The following GRIK4 variants were observed in gnomAD, a reference collection of about 807,000 sequenced individuals.
GRIK4 encodes the protein glutamate receptor ionotropic, kainate 4.
GRIK4 carries 40 observed loss-of-function variants against 104.9 expected under a neutral mutation model. The ratio of observed to expected loss-of-function variants is 0.38; its 90% CI spans 0.30 to 0.50. GRIK4 has a LOEUF of 0.50. Ranked by LOEUF, GRIK4 falls within the 20% of genes least tolerant of loss-of-function variation. The probability of loss-of-function intolerance (pLI) is 0.93; values close to 1 mark genes in which losing one functional copy is unlikely to be tolerated. For missense variants in GRIK4, 1,047 were observed against 1,308.1 expected (o/e 0.80, Z 3.08); for synonymous variants, 485 against 524.9 (o/e 0.92, Z 1.04).
At chr11:120,930,002 T>TGC (rs1555096685) in intron 13 of GRIK4, among the ~76,000 whole-genome samples, 3 of 150,282 alleles carry the variant, frequency 2.0e-5, no homozygotes, top group Non-Finnish European at 4.4e-5. Flanking sequence ...AGGCCACGTT[T>TGC]GGGGGGGGGG....
chr11:120,793,937 G>A (rs920708979), intron 3 of GRIK4, among the ~76,000 whole-genome samples: 6 of 150,398 alleles, frequency 4.0e-5, no homozygotes, highest in Non-Finnish European at 7.4e-5. Context: ...GGGGCTGAGA[G>A]CAGGTAGATG....
chr11:120,606,218 G>A (rs537862166), intron 1 of GRIK4, among the ~76,000 whole-genome samples: 1 of 152,220 alleles, frequency 6.6e-6, no homozygotes, highest in South Asian at 2.1e-4. Context: ...GTTTTTCATG[G>A]CATGGGGCCC....
chr11:120,512,012 C>T (rs1591665502), intron 1 of GRIK4, 125 bp downstream of exon 1: 1 of 146,516 alleles, frequency 6.8e-6, no homozygotes, highest in Non-Finnish European at 1.5e-5. Flanking sequence ...CTCCTGCCCT[C>T]GGGGGCCGCG....
At chr11:120,526,824 G>A (rs1947862798) in intron 1 of GRIK4, among the ~76,000 whole-genome samples, 1 of 152,144 alleles carries the variant, frequency 6.6e-6, no homozygotes, top group Non-Finnish European at 1.5e-5. Flanking sequence ...ACTCCAGCCT[G>A]TGCAGCAAGA....
In GRIK4 at chr11:120,672,275, G is replaced by A. The variant is rs1335676232; in HGVS notation, c.82+11875G>A. On this transcript the variant is annotated intron_variant, in intron 3 of 20. Transcript: ENST00000527524. ...TACTAAAAATACAAAAATTAGCAAG[G>A]CATGATGTCAGGCACCTGCAATCCC... Among the ~76,000 whole-genome samples the A allele has an allele frequency of 4.6e-5, 7 of 152,186 alleles. No individual in the cohort carries two copies. The East Asian group carries it at 1.4e-3, about 29-fold the overall frequency.
intron 3 of GRIK4, among the ~76,000 whole-genome samples, chr11:120,798,260 C>G (rs1952560570): frequency 7.4e-6 from 1 of 134,560 alleles, no homozygotes; most frequent in Non-Finnish European, 1.5e-5. Context: ...CCTCTGCCTT[C>G]TGGTTTTCCT....
chr11:120,811,378 T>TG (rs1458248568), intron 4 of GRIK4, among the ~76,000 whole-genome samples: 5 of 152,198 alleles, frequency 3.3e-5, no homozygotes, highest in African/African-American at 2.4e-5. Context: ...TTGCTGGGGA[T>TG]GGCTGTGCGG....
intron 1 of GRIK4, among the ~76,000 whole-genome samples, chr11:120,579,225 A>AC (rs34079806): frequency 0.29 from 40,652 of 142,284 alleles, 6,300 homozygotes; most frequent in Admixed American, 0.46. Context: ...CGACAAAATA[A>AC]CCCCCCCCCC....
At chr11:120,634,991 G>T (rs899308302) in intron 1 of GRIK4, among the ~76,000 whole-genome samples, 5 of 152,186 alleles carry the variant, frequency 3.3e-5, no homozygotes, top group African/African-American at 1.2e-4. Context: ...CCTGGGAGAA[G>T]ACAGACCAGG....
chr11:120,962,102 A>G (rs574313392), intron 17 of GRIK4, among the ~76,000 whole-genome samples: 2 of 152,172 alleles, frequency 1.3e-5, no homozygotes, highest in South Asian at 4.1e-4. Flanking sequence ...AAATTGAGGG[A>G]CAATGAAGGT....
At chr11:120,756,424 G>A (rs1431742122) in intron 3 of GRIK4, among the ~76,000 whole-genome samples, 2 of 152,114 alleles carry the variant, frequency 1.3e-5, no homozygotes, top group Non-Finnish European at 2.9e-5. Context: ...GCCACATACT[G>A]CCCTACAGGG....
intron 1 of GRIK4, among the ~76,000 whole-genome samples, chr11:120,637,930 A>G (rs1591759514): frequency 6.6e-6 from 1 of 152,156 alleles, no homozygotes; most frequent in South Asian, 2.1e-4. Context: ...TCCAGGCTGG[A>G]GTGCAATGGC....
intron 1 of GRIK4, among the ~76,000 whole-genome samples, chr11:120,594,278 G>C (rs1000850010): frequency 1.3e-5 from 2 of 152,174 alleles, no homozygotes; most frequent in African/African-American, 4.8e-5. Context: ...AGGAGTTGAA[G>C]ACCAGCTTGG....
At position 120,903,536 on chromosome 11, in the gene GRIK4, A is replaced by G. The variant is rs1484629827; in HGVS notation, c.1273-1754A>G. On this transcript the variant is annotated intron_variant, in intron 12 of 20. Transcript: ENST00000527524. This position sits in a 1 kb window ranked among gnomAD's most constrained non-coding sequence, Gnocchi z 4.4. ...TTCCTCCTCTTTTCTCCCCTTTTCC[A>G]GGGATTTTCCCTTCCTGCCTGTAAA... Among the ~76,000 whole-genome samples, 1 of 151,650 alleles carries G rather than the reference A, an allele frequency of 6.6e-6. No individual in the cohort carries two copies. The highest frequency in any genetic ancestry group is 2.4e-5 in the African/African-American group (1 of 41,228).
intron 4 of GRIK4, among the ~76,000 whole-genome samples, chr11:120,814,733 G>T (rs559091557): frequency 6.6e-6 from 1 of 152,328 alleles, no homozygotes; most frequent in South Asian, 2.1e-4. Context: ...GTCAGGACGG[G>T]ACCTGCTCTA....
chr11:120,867,649 C>G (rs1308866553), intron 9 of GRIK4, among the ~76,000 whole-genome samples: 1 of 152,008 alleles, frequency 6.6e-6, no homozygotes, highest in East Asian at 1.9e-4. Flanking sequence ...GAGGGAGCCC[C>G]GTTCTAAGGG....
rs994714255 is a variant in GRIK4 at position 120,517,108 on chromosome 11, G to A, written c.-159+5221G>A. On this transcript the variant is annotated intron_variant, in intron 1 of 20. Transcript: ENST00000527524. The stretch of plus-strand genomic sequence containing the variant: ...TATTCACTGCCCTGGAAGTTCCTCC[G>A]TCTGTGCCTGTCACCGCCGGGGACC... 1.3e-4 allele frequency among the ~76,000 whole-genome samples: 19 copies of A among 149,210 alleles called. 1 individual carries two copies. The highest frequency in any genetic ancestry group is 6.0e-4 in the Admixed American group (9 of 15,108).
chr11:120,974,785 A>G (rs907616078), intron 19 of GRIK4, among the ~76,000 whole-genome samples: 1 of 152,226 alleles, frequency 6.6e-6, no homozygotes, highest in Non-Finnish European at 1.5e-5. Context: ...CTCGCTAAAA[A>G]AATGAAACGG....
chr11:120,808,559 G>C (rs1353781776), intron 4 of GRIK4, among the ~76,000 whole-genome samples: 3 of 152,170 alleles, frequency 2.0e-5, no homozygotes, highest in African/African-American at 7.2e-5. Flanking sequence ...ACACCAGGGG[G>C]CCCGTCATGG....
Sources: gnomAD v4.1 joint callset for allele counts (sites outside exome capture counted in the v4.1 genomes callset) on GRCh38, gnomAD v4.1.1 for gene constraint, Gnocchi (gnomAD v3.1) non-coding constraint, MANE v1.5 for transcripts, NCBI Gene and HGNC (gene_info 2026-07-23, HGNC 2026-07-21) for gene names.